CHIC2: variants seen among roughly 807,000 people sequenced by gnomAD.
CHIC2 encodes the protein cysteine rich hydrophobic domain 2, also known as cysteine-rich hydrophobic domain-containing protein 2.
CHIC2 carries 14 observed loss-of-function variants against 25.9 expected under a neutral mutation model. That is an observed-to-expected ratio of 0.54 (90% CI 0.36 to 0.85). The LOEUF is 0.85. Ranked by LOEUF, CHIC2 falls within the 40% of genes least tolerant of loss-of-function variation. CHIC2 has a pLI of 0.01. For missense variants in CHIC2, 146 were observed against 202.0 expected (o/e 0.72, Z 1.68); for synonymous variants, 70 against 72.0 (o/e 0.97, Z 0.14).
At position 54,023,416 on chromosome 4, in the gene CHIC2, T is replaced by C. The variant is rs189180160; in HGVS notation, c.331-9297A>G. On this transcript the variant is annotated intron_variant, in intron 3 of 5. Transcript: ENST00000263921. The stretch of plus-strand genomic sequence containing the variant: ...TTCCTCCCACCTGATGCATATACTT[T>C]CTGCTCCCCGGCTCCTTCAGCTATA... Among the ~76,000 whole-genome samples the C allele has an allele frequency of 1.1e-3, 173 of 152,304 alleles. 1 individual carries two copies. In the East Asian group the frequency reaches 0.03, roughly 26 times the overall value.
intron 3 of CHIC2, among the ~76,000 whole-genome samples, chr4:54,025,169 T>C (rs960509181): frequency 6.6e-6 from 1 of 152,066 alleles, no homozygotes; most frequent in African/African-American, 2.4e-5. Context: ...GACCTGCACA[T>C]ATACATCCAG....
At chr4:54,078,897 T>C in the CHIC2 span, among the ~76,000 whole-genome samples, 2 of 152,140 alleles carry the variant, frequency 1.3e-5, no homozygotes, top group African/African-American at 2.4e-5. Context: ...TACTATATAC[T>C]TTCTTTTCCA....
rs1361523448 is a variant in CHIC2 at position 54,048,780 on chromosome 4, T to C, written c.330+175A>G. ...ATATAATTTTTAGATGGCTATTTAA[T>C]AACAGCACTTGGATATATAGTAACT... On this transcript the variant is annotated intron_variant, in intron 3 of 5. Coordinates refer to ENST00000263921, the MANE Select transcript of CHIC2 (RefSeq NM_012110.4). The C allele has an allele frequency of 8.5e-6, 4 of 470,870 alleles. No individual in the cohort carries two copies. The East Asian group carries it at 1.4e-4, about 16-fold the overall frequency. 29.2% of individuals were successfully genotyped at this position (470,870 alleles called of 1,614,324 possible).
chr4:54,036,699 T>G (rs1436565807), intron 3 of CHIC2, among the ~76,000 whole-genome samples: 3 of 152,100 alleles, frequency 2.0e-5, no homozygotes, highest in Admixed American at 1.3e-4. Flanking sequence ...GAATCTATCC[T>G]ACAGTACCAT....
At chr4:54,041,804 A>G (rs905709029) in intron 3 of CHIC2, among the ~76,000 whole-genome samples, 5 of 152,120 alleles carry the variant, frequency 3.3e-5, no homozygotes, top group African/African-American at 9.7e-5. Flanking sequence ...TTTATGGCAA[A>G]TAAAACGTTA....
At chr4:54,087,223 A>G in the CHIC2 span, 1 of 649,578 alleles carries the variant, frequency 1.5e-6, no homozygotes, top group East Asian at 2.7e-5. Context: ...CAGGGAAGGA[A>G]AGAGCCTGGG....
Position 54,049,060 on chromosome 4 carries a change from A to C in CHIC2, c.225T>G (p.Leu75=). The C allele has an allele frequency of 6.2e-7, 1 of 1,612,714 alleles. No homozygotes were observed. Among genetic ancestry groups the C allele is most frequent in the Non-Finnish European group, 8.5e-7 (1 of 1,179,348 alleles). ...KASINRVNSC[L]KKNLPVNVRW... ...GTACATTAACAGGAAGGTTCTTCTT[A>C]AGACAACTGTTAACTCTGTTGATGC... Residue 75 remains leucine (L), a synonymous_variant, in exon 3 of 6, where the codon CTT becomes CTG. Coordinates refer to ENST00000263921, the MANE Select transcript of CHIC2 (RefSeq NM_012110.4).
At chr4:54,017,887 T>C (rs1715786956) in intron 3 of CHIC2, among the ~76,000 whole-genome samples, 1 of 152,202 alleles carries the variant, frequency 6.6e-6, no homozygotes, top group Admixed American at 6.5e-5. Flanking sequence ...GTTATATTTT[T>C]CTCATTGGTG....
At chr4:54,091,730 C>G in the CHIC2 span, among the ~76,000 whole-genome samples, 3 of 152,088 alleles carry the variant, frequency 2.0e-5, no homozygotes, top group South Asian at 6.2e-4. Context: ...CATTCCCTAC[C>G]CTCATTCTAA....
intron 1 of CHIC2, among the ~76,000 whole-genome samples, chr4:54,054,048 A>G (rs1203339044): frequency 6.6e-6 from 1 of 152,224 alleles, no homozygotes; most frequent in African/African-American, 2.4e-5. Context: ...TTGGCCTCCC[A>G]AAGTATTGGG....
chr4:54,084,921 C>G, the CHIC2 span, among the ~76,000 whole-genome samples: 1 of 135,570 alleles, frequency 7.4e-6, no homozygotes, highest in East Asian at 2.2e-4. Flanking sequence ...GGTTTCACCA[C>G]TAAACTCCAG....
At chr4:54,046,111 TC>T (rs1716776256) in intron 3 of CHIC2, among the ~76,000 whole-genome samples, 1 of 152,062 alleles carries the variant, frequency 6.6e-6, no homozygotes, top group Non-Finnish European at 1.5e-5. Context: ...AAGGACCTCT[TC>T]AAGGAGAACT....
intron 3 of CHIC2, among the ~76,000 whole-genome samples, chr4:54,048,379 T>G (rs1015174073): frequency 5.9e-5 from 9 of 152,160 alleles, no homozygotes; most frequent in African/African-American, 1.9e-4. Flanking sequence ...TACAGGAAAC[T>G]TGTAAAATAT....
intron 3 of CHIC2, among the ~76,000 whole-genome samples, chr4:54,039,093 C>G (rs753623976): frequency 1.2e-4 from 18 of 151,952 alleles, no homozygotes; most frequent in Non-Finnish European, 2.6e-4. Context: ...TCACCCATAC[C>G]TCACACTCAT....
chr4:54,090,241 C>T, the CHIC2 span, among the ~76,000 whole-genome samples: 1 of 152,010 alleles, frequency 6.6e-6, no homozygotes, highest in East Asian at 1.9e-4. Flanking sequence ...GGCTGAAGTG[C>T]AGTGGTGCAA....
chr4:54,071,627 C>T, the CHIC2 span, among the ~76,000 whole-genome samples: 1 of 152,196 alleles, frequency 6.6e-6, no homozygotes, highest in African/African-American at 2.4e-5. Flanking sequence ...GGGTTCCTTA[C>T]ATCAGTCTTC....
chr4:54,076,136 T>G, the CHIC2 span, among the ~76,000 whole-genome samples: 1 of 151,820 alleles, frequency 6.6e-6, no homozygotes, highest in East Asian at 1.9e-4. Context: ...AAAATTCAAA[T>G]AAATTAGGTA....
the CHIC2 span, among the ~76,000 whole-genome samples, chr4:54,072,919 A>C: frequency 6.6e-6 from 1 of 152,152 alleles, no homozygotes; most frequent in African/African-American, 2.4e-5. Flanking sequence ...AAAACTACAA[A>C]AAATCAGCCA....
chr4:54,037,657 T>C (rs10007736), intron 3 of CHIC2, among the ~76,000 whole-genome samples: 8,939 of 152,216 alleles, frequency 0.059, 879 homozygotes, highest in African/African-American at 0.2. Flanking sequence ...ATACACTGTA[T>C]TCAAGGCTGT....
Sources: allele counts gnomAD v4.1 joint callset (sites outside exome capture counted in the v4.1 genomes callset), GRCh38; gene constraint gnomAD v4.1.1; transcripts MANE v1.5; gene names NCBI Gene and HGNC (gene_info 2026-07-23, HGNC 2026-07-21).